Variants in ZNF420 observed in about 807,000 individuals in gnomAD.
ZNF420 encodes the protein ATM and p53-associated KZNF protein.
ZNF420 carries 31 observed loss-of-function variants against 44.7 expected under a neutral mutation model. That is an observed-to-expected ratio of 0.69 (90% CI 0.52 to 0.94). The LOEUF is 0.94. Ranked by LOEUF, ZNF420 falls within the 40% of genes least tolerant of loss-of-function variation. The probability of loss-of-function intolerance (pLI) is 0.00; values close to 1 mark genes in which losing one functional copy is unlikely to be tolerated. For missense variants in ZNF420, 681 were observed against 827.9 expected, an observed-to-expected ratio of 0.82 and a Z score of 2.18; for synonymous variants, 245 against 267.4, an observed-to-expected ratio of 0.92 and a Z score of 0.82.
chr19:37,069,083 A>G (rs1968015403), intron 1 of ZNF420, among the ~76,000 whole-genome samples: 1 of 152,218 alleles, frequency 6.6e-6, no homozygotes, highest in African/African-American at 2.4e-5. Flanking sequence ...CAAAAATTAC[A>G]ACTTTATTTA....
chr19:37,021,244 C>T (rs1302062199), intron 1 of ZNF420, among the ~76,000 whole-genome samples: 1 of 152,128 alleles, frequency 6.6e-6, no homozygotes, highest in Admixed American at 6.5e-5. Flanking sequence ...AATGAGTGTG[C>T]TAATCTTGCA....
rs766813561 is a variant in ZNF420 at position 37,128,917 on chromosome 19, A to C, written c.1926A>C (p.Pro642=). 1 of 1,613,896 alleles carries C rather than the reference A, an allele frequency of 6.2e-7. No homozygotes were observed. The highest frequency in any genetic ancestry group is 8.5e-7 in the Non-Finnish European group (1 of 1,179,912). ...RHQRIHTGEK[P]YQCKECGKAF... is the part of the protein sequence containing the mutation. ...AGAGAATTCATACTGGTGAGAAACC[A>C]TATCAATGTAAGGAATGTGGGAAGG... The change falls in exon 5 of 5, where the codon CCA becomes CCC. Residue 642 remains proline (P), a synonymous_variant. Coordinates refer to ENST00000337995, the MANE Select transcript of ZNF420 (RefSeq NM_144689.5).
At position 37,040,683 on chromosome 19, in the gene ZNF420, C is replaced by T. The variant is rs1253985225; in HGVS notation, c.-125+32601C>T. Among the ~76,000 whole-genome samples, 4 of 152,224 alleles carry T rather than the reference C, an allele frequency of 2.6e-5. No individual in the cohort carries two copies. The East Asian group carries it at 5.8e-4, about 22-fold the overall frequency. Reference sequence around the variant, plus strand: ...TAAAGAGGTTATCATAAGATCAAAGCACTGTGCCAGGTATCACAGTACTGT... The same window carrying T: ...TAAAGAGGTTATCATAAGATCAAAGTACTGTGCCAGGTATCACAGTACTGT... On this transcript the variant is annotated intron_variant, in intron 1 of 4. Coordinates refer to the ZNF420 transcript ENST00000587029.
chr19:37,107,028 C>T (rs1443641485), intron 4 of ZNF420: 1 of 152,152 alleles, frequency 6.6e-6, no homozygotes, highest in Non-Finnish European at 1.5e-5. Context: ...TTTCTCCTAT[C>T]TCAGTAAATA....
In ZNF420 at chr19:37,128,700, G is replaced by A. The variant is rs530765828; in HGVS notation, c.1709G>A (p.Arg570His). Reference sequence around the variant, plus strand: ...AAGGAATGTGGGAAAGCCTTTATTCGTGGTTCACAGTTGACTCAACATCAG... The same window carrying A: ...AAGGAATGTGGGAAAGCCTTTATTCATGGTTCACAGTTGACTCAACATCAG... Reference protein sequence around the residue: ...QCKECGKAFIRGSQLTQHQRI... With the variant: ...QCKECGKAFIHGSQLTQHQRI... Residue 570 changes from arginine (R) to histidine (H), a missense_variant, in exon 5 of 5, where the codon CGT becomes CAT. By Grantham distance (29) the Arg-to-His change is conservative. Transcript: ENST00000337995. 13 of 1,613,988 alleles carry A rather than the reference G, an allele frequency of 8.1e-6. No homozygotes were observed. Among genetic ancestry groups the A allele is most frequent in the African/African-American group, 5.3e-5 (4 of 74,980 alleles).
chr19:37,015,914 C>T (rs574155785), intron 1 of ZNF420, among the ~76,000 whole-genome samples: 1 of 152,320 alleles, frequency 6.6e-6, no homozygotes, highest in African/African-American at 2.4e-5. Context: ...TCTTTTCCTG[C>T]CTTCCATGTT....
chr19:37,117,320 C>T (rs10414257), intron 4 of ZNF420, among the ~76,000 whole-genome samples: 75,685 of 150,786 alleles, frequency 0.5, 19,269 homozygotes, highest in African/African-American at 0.55. Context: ...CTACAGCCAC[C>T]GCTGTTCTGC....
At chr19:37,033,994 A>G (rs1427785007) in intron 1 of ZNF420, among the ~76,000 whole-genome samples, 6 of 151,664 alleles carry the variant, frequency 4.0e-5, no homozygotes, top group African/African-American at 1.2e-4. Context: ...TGACCTCGTG[A>G]TCTGCCTGCC....
intron 4 of ZNF420, among the ~76,000 whole-genome samples, chr19:37,099,042 T>C (rs962756820): frequency 6.6e-6 from 1 of 152,214 alleles, no homozygotes; most frequent in Non-Finnish European, 1.5e-5. Flanking sequence ...TAGTATTCTA[T>C]TCTGCATATA....
intron 1 of ZNF420, among the ~76,000 whole-genome samples, chr19:37,039,499 C>T (rs1967415082): frequency 6.6e-6 from 1 of 152,088 alleles, no homozygotes; most frequent in Admixed American, 6.5e-5. Flanking sequence ...TTTTTCTGAG[C>T]AGTAGGTCTC....
chr19:37,079,121 G>A (rs1195581014), intron 1 of ZNF420, among the ~76,000 whole-genome samples: 1 of 152,082 alleles, frequency 6.6e-6, no homozygotes, highest in African/African-American at 2.4e-5. Context: ...CTTTGAAAGG[G>A]TGTTTTTGGC....
At chr19:37,049,856 A>G (rs1336422310) in intron 1 of ZNF420, among the ~76,000 whole-genome samples, 3 of 152,182 alleles carry the variant, frequency 2.0e-5, no homozygotes, top group African/African-American at 4.8e-5. Context: ...TAGGTCTAAC[A>G]TTTAAGTCTT....
intron 2 of ZNF420, among the ~76,000 whole-genome samples, chr19:37,086,739 T>G (rs1968810023): frequency 6.6e-6 from 1 of 152,224 alleles, no homozygotes; most frequent in South Asian, 2.1e-4. Flanking sequence ...TCTCTTTATC[T>G]TGAAGTCTAT....
At chr19:37,127,033 A>G (rs1288917479) in intron 4 of ZNF420, 95 bp from the exon 5 acceptor site, 1 of 1,053,606 alleles carries the variant, frequency 9.5e-7, no homozygotes. Flanking sequence ...AAACTCATGT[A>G]TGTCTGTTAT....
At chr19:37,103,280 CTA>C (rs1026723803) in intron 4 of ZNF420, among the ~76,000 whole-genome samples, 5 of 151,724 alleles carry the variant, frequency 3.3e-5, no homozygotes, top group East Asian at 3.9e-4. Flanking sequence ...TATGTTTTTT[CTA>C]TGTTTTTATA....
intron 1 of ZNF420, among the ~76,000 whole-genome samples, chr19:37,023,043 C>A: frequency 6.6e-6 from 1 of 151,976 alleles, no homozygotes; most frequent in East Asian, 1.9e-4. Flanking sequence ...GAGACTAAGG[C>A]AGGAGAATCA....
chr19:37,032,163 TGAA>T (rs1319196076), intron 1 of ZNF420, among the ~76,000 whole-genome samples: 3 of 151,764 alleles, frequency 2.0e-5, no homozygotes, highest in Non-Finnish European at 4.4e-5. Context: ...GCAAACATGG[TGAA>T]ACCCTATCTT....
At chr19:37,018,157 A>G (rs1187457974) in intron 1 of ZNF420, among the ~76,000 whole-genome samples, 1 of 152,140 alleles carries the variant, frequency 6.6e-6, no homozygotes, top group Non-Finnish European at 1.5e-5. Flanking sequence ...AATTAAAGAC[A>G]TAAACTGAAA....
At chr19:37,023,937 G>A (rs146870498) in intron 1 of ZNF420, among the ~76,000 whole-genome samples, 2,084 of 152,108 alleles carry the variant, frequency 0.014, 25 homozygotes, top group African/African-American at 0.024. Flanking sequence ...TTGGCCAAGG[G>A]CATTCCAGAG....
Sources: allele counts gnomAD v4.1 joint callset (sites outside exome capture counted in the v4.1 genomes callset), GRCh38; gene constraint gnomAD v4.1.1; transcripts MANE v1.5; gene names NCBI Gene and HGNC (gene_info 2026-07-23, HGNC 2026-07-21).